PDE4B: variants seen among roughly 807,000 people sequenced by gnomAD.
PDE4B encodes 3',5'-cyclic-AMP phosphodiesterase 4B.
Under a neutral mutation model 82.2 loss-of-function variants are expected in PDE4B, and 20 were observed. That is an observed-to-expected ratio of 0.24 (90% CI 0.17 to 0.35). PDE4B has a LOEUF of 0.35. Ranked by LOEUF, PDE4B falls within the 10% of genes least tolerant of loss-of-function variation. PDE4B has a pLI of 1.00. For synonymous variants in PDE4B, 320 were observed against 318.9 expected, an observed-to-expected ratio of 1.00 and a Z score of -0.04; for missense variants, 655 against 907.2, an observed-to-expected ratio of 0.72 and a Z score of 3.57.
At chr1:66,137,349 G>A (rs1020470221) in intron 3 of PDE4B, among the ~76,000 whole-genome samples, 2 of 152,144 alleles carry the variant, frequency 1.3e-5, no homozygotes, top group African/African-American at 2.4e-5. Context: ...CGCTGAAAAA[G>A]GAGAAGTGTG....
At chr1:66,244,904 A>C (rs569987178) in intron 3 of PDE4B, among the ~76,000 whole-genome samples, 3 of 152,310 alleles carry the variant, frequency 2.0e-5, no homozygotes, top group Admixed American at 6.5e-5. Context: ...TTCTAATACT[A>C]GGGACAGAAT....
chr1:66,114,730 G>A (rs1424582537), intron 3 of PDE4B, among the ~76,000 whole-genome samples: 2 of 150,712 alleles, frequency 1.3e-5, no homozygotes, highest in African/African-American at 2.4e-5. Flanking sequence ...CTGCTTCCTG[G>A]GTTCAAGCGA....
intron 3 of PDE4B, among the ~76,000 whole-genome samples, chr1:66,047,576 C>T (rs1282228324): frequency 3.3e-5 from 5 of 151,818 alleles, no homozygotes; most frequent in Admixed American, 3.3e-4. Flanking sequence ...ATTTGTTATG[C>T]CCAGTAAGTG....
intron 3 of PDE4B, among the ~76,000 whole-genome samples, chr1:66,181,023 T>G (rs757505344): frequency 8.5e-5 from 13 of 152,204 alleles, no homozygotes; most frequent in Non-Finnish European, 1.6e-4. Flanking sequence ...ATGTCTCTAC[T>G]AAGAGATGAA....
intron 7 of PDE4B, among the ~76,000 whole-genome samples, chr1:66,285,733 T>G (rs1656631611): frequency 6.6e-6 from 1 of 151,938 alleles, no homozygotes; most frequent in Non-Finnish European, 1.5e-5. Context: ...TGATCCTGAC[T>G]CAAGCAGCAG....
In PDE4B at chr1:66,154,721, A is replaced by G. The variant is rs141420381; in HGVS notation, c.282-92739A>G. Among the ~76,000 whole-genome samples, 10 of 152,322 alleles carry G rather than the reference A, an allele frequency of 6.6e-5. 1 individual carries two copies. Among genetic ancestry groups the G allele is most frequent in the African/African-American group, 1.9e-4 (8 of 41,584 alleles). On this transcript the variant is annotated intron_variant, in intron 3 of 16. Coordinates refer to ENST00000341517, the MANE Select transcript of PDE4B (RefSeq NM_002600.4). ...GCTTTCAAATATCTTTTCCTTCTGC[A>G]TGGATTGAGAACACAAACCTCTTCT...
chr1:66,163,689 T>C (rs1646664558), intron 3 of PDE4B, among the ~76,000 whole-genome samples: 1 of 152,178 alleles, frequency 6.6e-6, no homozygotes, highest in African/African-American at 2.4e-5. Context: ...AATTGTTGAG[T>C]GAAATAATTT....
intron 1 of PDE4B, among the ~76,000 whole-genome samples, chr1:65,890,236 T>A (rs1338284686): frequency 6.6e-6 from 1 of 152,102 alleles, no homozygotes; most frequent in African/African-American, 2.4e-5. Flanking sequence ...ATAATTTGCC[T>A]TATATTGGTT....
At chr1:66,049,787 A>C (rs1276586359) in intron 3 of PDE4B, among the ~76,000 whole-genome samples, 1 of 152,058 alleles carries the variant, frequency 6.6e-6, no homozygotes, top group Non-Finnish European at 1.5e-5. Flanking sequence ...AGTAATGCCA[A>C]GAACTTAATT....
At chr1:66,093,883 G>A (rs1382272417) in intron 3 of PDE4B, among the ~76,000 whole-genome samples, 1 of 151,926 alleles carries the variant, frequency 6.6e-6, no homozygotes, top group Non-Finnish European at 1.5e-5. Context: ...AAAAGTAGAA[G>A]GGACCCAGAA....
intron 8 of PDE4B, among the ~76,000 whole-genome samples, chr1:66,345,610 AT>A (rs748900833): frequency 3.8e-4 from 58 of 152,318 alleles, no homozygotes; most frequent in Non-Finnish European, 6.8e-4. Flanking sequence ...TAGAATAAAT[AT>A]TTTTTGATCA....
chr1:65,925,387 T>C (rs1463300048), intron 3 of PDE4B, among the ~76,000 whole-genome samples: 1 of 152,092 alleles, frequency 6.6e-6, no homozygotes, highest in African/African-American at 2.4e-5. Context: ...ACAATCAGTG[T>C]GCAAAAAAGT....
At chr1:66,043,272 G>A (rs1304260516) in intron 3 of PDE4B, among the ~76,000 whole-genome samples, 1 of 151,762 alleles carries the variant, frequency 6.6e-6, no homozygotes, top group Non-Finnish European at 1.5e-5. Context: ...GTGAAATAAA[G>A]AAGTTAACTA....
intron 6 of PDE4B, 124 bp downstream of exon 6, chr1:66,257,987 A>G (rs1654378472): frequency 3.0e-6 from 2 of 660,324 alleles, no homozygotes; most frequent in Non-Finnish European, 5.3e-6. Flanking sequence ...AATATACACA[A>G]TAAAATTTGA....
Position 66,232,371 on chromosome 1 carries a change from G to C in PDE4B, c.282-15089G>C, listed in dbSNP as rs573243472. Among the ~76,000 whole-genome samples the C allele has an allele frequency of 3.0e-4, 46 of 152,188 alleles. No individual in the cohort carries two copies. In the South Asian group the frequency reaches 8.5e-3, roughly 28 times the overall value. On this transcript the variant is annotated intron_variant, in intron 3 of 16. Transcript: ENST00000341517. ...TTTTCAGACCTTTATCTGTTAAAAT[G>C]TTTTTTTGCCCTTTTGGGGATATAC...
At chr1:66,282,032 G>C (rs1372186651) in intron 7 of PDE4B, among the ~76,000 whole-genome samples, 1 of 152,164 alleles carries the variant, frequency 6.6e-6, no homozygotes, top group East Asian at 1.9e-4. Context: ...GTAAGTAAAG[G>C]TGCATGTGAT....
intron 3 of PDE4B, among the ~76,000 whole-genome samples, chr1:66,017,648 G>T (rs1388110001): frequency 6.6e-6 from 1 of 152,030 alleles, no homozygotes; most frequent in Non-Finnish European, 1.5e-5. Context: ...AGCTTCATTT[G>T]TGATTTTGGG....
intron 1 of PDE4B, among the ~76,000 whole-genome samples, chr1:65,895,053 A>G (rs1646894059): frequency 6.6e-6 from 1 of 152,144 alleles, no homozygotes; most frequent in Admixed American, 6.6e-5. Flanking sequence ...GACAAATTAA[A>G]ACATATGTCT....
intron 3 of PDE4B, among the ~76,000 whole-genome samples, chr1:66,000,095 C>G (rs1049206423): frequency 1.5e-4 from 23 of 152,092 alleles, no homozygotes; most frequent in African/African-American, 5.6e-4. Context: ...AATCATACCT[C>G]CTAGTCTGTA....
Sources: gnomAD v4.1 joint callset for allele counts (sites outside exome capture counted in the v4.1 genomes callset) on GRCh38, gnomAD v4.1.1 for gene constraint, MANE v1.5 for transcripts, NCBI Gene and HGNC (gene_info 2026-07-23, HGNC 2026-07-21) for gene names.